Variants in CCDC148 observed in about 807,000 individuals in gnomAD.
CCDC148 encodes the protein coiled-coil domain-containing protein 148.
In CCDC148, 89 loss-of-function variants were observed where a neutral mutation model predicts 85.7. The observed-to-expected ratio is 1.04, with a 90% CI of 0.87 to 1.24. CCDC148 has a LOEUF of 1.24. CCDC148 is among the 50% of genes most tolerant of loss of function. The pLI is 0.00. For synonymous variants in CCDC148, 230 were observed against 213.9 expected, an observed-to-expected ratio of 1.08 and a Z score of -0.66; for missense variants, 692 against 671.7, an observed-to-expected ratio of 1.03 and a Z score of -0.33.
intron 11 of CCDC148, among the ~76,000 whole-genome samples, chr2:158,209,719 C>T (rs1474510348): frequency 6.6e-6 from 1 of 152,152 alleles, no homozygotes; most frequent in Non-Finnish European, 1.5e-5. Context: ...AACTAAGCTT[C>T]GTAAGCGAAG....
intron 11 of CCDC148, among the ~76,000 whole-genome samples, chr2:158,217,342 A>G (rs1055945969): frequency 6.5e-5 from 8 of 123,738 alleles, no homozygotes; most frequent in South Asian, 2.6e-4. Flanking sequence ...TTGTGTATAT[A>G]TATATATATA....
chr2:158,442,612 A>G (rs1363765532), intron 1 of CCDC148, among the ~76,000 whole-genome samples: 1 of 152,212 alleles, frequency 6.6e-6, no homozygotes, highest in Non-Finnish European at 1.5e-5. Flanking sequence ...GCAGGAAAAG[A>G]GCAGGAAGCA....
intron 1 of CCDC148, among the ~76,000 whole-genome samples, chr2:158,432,239 A>AC (rs1432133197): frequency 6.6e-6 from 1 of 151,986 alleles, no homozygotes; most frequent in Non-Finnish European, 1.5e-5. Flanking sequence ...TGAAAATAAA[A>AC]AAAAACAGCA....
intron 7 of CCDC148, among the ~76,000 whole-genome samples, chr2:158,327,304 C>T (rs1435115883): frequency 6.6e-6 from 1 of 152,186 alleles, no homozygotes; most frequent in Non-Finnish European, 1.5e-5. Context: ...ACTCTTGCCA[C>T]ATCTGTTAAG....
At chr2:158,307,221 G>A (rs1478183547) in intron 9 of CCDC148, among the ~76,000 whole-genome samples, 1 of 151,778 alleles carries the variant, frequency 6.6e-6, no homozygotes, top group Non-Finnish European at 1.5e-5. Context: ...ATACAAATAA[G>A]TAAGAAAAAA....
At chr2:158,211,064 T>G (rs772369573) in intron 11 of CCDC148, among the ~76,000 whole-genome samples, 2 of 151,340 alleles carry the variant, frequency 1.3e-5, no homozygotes, top group African/African-American at 2.4e-5. Flanking sequence ...AGGGATAGCA[T>G]TAGGAGAAAT....
At chr2:158,360,393 G>A (rs1355895585) in intron 1 of CCDC148, among the ~76,000 whole-genome samples, 1 of 152,166 alleles carries the variant, frequency 6.6e-6, no homozygotes, top group Non-Finnish European at 1.5e-5. Flanking sequence ...CCTCCCAGCA[G>A]GGGCAGACAG....
chr2:158,450,367 C>G (rs1217699298), intron 1 of CCDC148, among the ~76,000 whole-genome samples: 2 of 152,164 alleles, frequency 1.3e-5, no homozygotes, highest in African/African-American at 4.8e-5. Context: ...CATTTGATGA[C>G]CCAGTGTTAG....
intron 11 of CCDC148, among the ~76,000 whole-genome samples, chr2:158,206,986 C>G (rs556821703): frequency 5.9e-5 from 9 of 152,260 alleles, no homozygotes; most frequent in African/African-American, 2.2e-4. Context: ...ACTGTGAGTC[C>G]TTAACATGGT....
chr2:158,354,607 G>T (rs1300272349), intron 2 of CCDC148, among the ~76,000 whole-genome samples: 1 of 152,084 alleles, frequency 6.6e-6, no homozygotes, highest in Non-Finnish European at 1.5e-5. Flanking sequence ...ACCAAAAAGA[G>T]TCCAGGACCA....
At chr2:158,379,063 G>T (rs1684769838) in intron 1 of CCDC148, among the ~76,000 whole-genome samples, 1 of 152,048 alleles carries the variant, frequency 6.6e-6, no homozygotes, top group Admixed American at 6.6e-5. Context: ...GATGCATCTG[G>T]GCAAAGTAAA....
At chr2:158,330,524 G>A (rs1056729177) in intron 7 of CCDC148, among the ~76,000 whole-genome samples, 21 of 152,120 alleles carry the variant, frequency 1.4e-4, no homozygotes, top group African/African-American at 3.9e-4. Context: ...TGGCCTCATA[G>A]AATGAGTTAG....
intron 10 of CCDC148, 45 bp from the exon 11 acceptor site, chr2:158,220,758 G>A: frequency 7.1e-7 from 1 of 1,406,270 alleles, no homozygotes; most frequent in Non-Finnish European, 9.7e-7. Flanking sequence ...CAACAGATAT[G>A]TAAAAATGAG....
chr2:158,326,668 A>G (rs964105471), intron 7 of CCDC148, among the ~76,000 whole-genome samples: 1 of 152,014 alleles, frequency 6.6e-6, no homozygotes, highest in Non-Finnish European at 1.5e-5. Flanking sequence ...CTGTTACTTC[A>G]TTTTTACCCT....
intron 11 of CCDC148, among the ~76,000 whole-genome samples, chr2:158,211,754 A>C (rs1352482335): frequency 6.6e-6 from 1 of 152,216 alleles, no homozygotes; most frequent in Non-Finnish European, 1.5e-5. Context: ...AGACCTCTTG[A>C]ATGACCTTCA....
intron 7 of CCDC148, among the ~76,000 whole-genome samples, chr2:158,332,743 T>C (rs1040486084): frequency 6.6e-6 from 1 of 152,122 alleles, no homozygotes; most frequent in Non-Finnish European, 1.5e-5. Flanking sequence ...ATTCGACTTC[T>C]TCCTGGTTTA....
chr2:158,435,573 C>A (rs1360629980), intron 1 of CCDC148, among the ~76,000 whole-genome samples: 1 of 152,148 alleles, frequency 6.6e-6, no homozygotes, highest in Non-Finnish European at 1.5e-5. Flanking sequence ...TATAAACTAA[C>A]AAGCAAAATA....
chr2:158,291,111 T>C (rs550165802), intron 9 of CCDC148, among the ~76,000 whole-genome samples: 1 of 152,088 alleles, frequency 6.6e-6, no homozygotes, highest in South Asian at 2.1e-4. Context: ...AGACTGATCC[T>C]CTTTTATATA....
intron 2 of CCDC148, among the ~76,000 whole-genome samples, chr2:158,356,477 A>G (rs928677178): frequency 1.3e-4 from 20 of 151,814 alleles, no homozygotes; most frequent in East Asian, 1.9e-4. Flanking sequence ...AACACATGAA[A>G]AAATGCTCAT....
Sources: allele counts gnomAD v4.1 joint callset (sites outside exome capture counted in the v4.1 genomes callset), GRCh38; gene constraint gnomAD v4.1.1; transcripts MANE v1.5; gene names NCBI Gene and HGNC (gene_info 2026-07-23, HGNC 2026-07-21).